Variants in CBLN2 observed in about 807,000 individuals in gnomAD.
CBLN2 encodes the protein cerebellin-2.
Under a neutral mutation model 15.0 loss-of-function variants are expected in CBLN2, and 7 were observed. The ratio of observed to expected loss-of-function variants is 0.47; its 90% CI spans 0.27 to 0.88. The LOEUF is 0.88. CBLN2 is among the 40% of genes least tolerant of loss of function. The pLI is 0.14. For synonymous variants in CBLN2, 149 were observed against 135.2 expected (o/e 1.10, Z -0.71); for missense variants, 242 against 304.5 (o/e 0.79, Z 1.53).
At chr18:72,637,178 A>G (rs1224499759) in intron 1 of CBLN2, among the ~76,000 whole-genome samples, 1 of 151,860 alleles carries the variant, frequency 6.6e-6, no homozygotes, top group Non-Finnish European at 1.5e-5. Flanking sequence ...ATTGTATTGT[A>G]TTTTCCGCAT....
rs562314422 is a variant in CBLN2, at chr18:72,544,206, A to G, written c.-441T>C. The stretch of plus-strand genomic sequence containing the variant: ...TGGGATGGCTGGGACGAAGAGAGGG[A>G]AAAAAAAAGCTTGAGAATTTGATGA... On this transcript the variant is annotated 5_prime_UTR_variant, in exon 1 of 5. Transcript: ENST00000269503. The G allele has an allele frequency of 2.3e-4, 35 of 149,964 alleles. No individual in the cohort carries two copies. The highest frequency in any genetic ancestry group is 1.0e-3 in the Admixed American group (15 of 15,066). 9.3% of individuals were successfully genotyped at this position (149,964 alleles called of 1,614,324 possible).
At chr18:72,559,190 T>A (rs1400457765) in intron 1 of CBLN2, among the ~76,000 whole-genome samples, 2 of 152,214 alleles carry the variant, frequency 1.3e-5, no homozygotes, top group African/African-American at 4.8e-5. Context: ...TTGCTCCGGG[T>A]CTCAGGCAGC....
At position 72,540,708 on chromosome 18, in the gene CBLN2, C is replaced by T. The variant is rs67024187; in HGVS notation, c.357+1096G>A. On this transcript the variant is annotated intron_variant, in intron 3 of 4. Coordinates refer to ENST00000269503, the MANE Select transcript of CBLN2 (RefSeq NM_182511.4). ...AAAAAAAACCTCAAATACTTAATGC[C>T]TAACAATAATTGAGAAATAAATACG... Among the ~76,000 whole-genome samples the T allele has an allele frequency of 0.053, 8,048 of 152,158 alleles. 914 individuals are homozygous for T. The East Asian group carries it at 0.54, about 10-fold the overall frequency.
At chr18:72,637,408 C>T (rs759744177) in intron 1 of CBLN2, among the ~76,000 whole-genome samples, 1 of 152,132 alleles carries the variant, frequency 6.6e-6, no homozygotes, top group African/African-American at 2.4e-5. Flanking sequence ...CAAATGCAAG[C>T]CTCTAAGACT....
intron 1 of CBLN2, among the ~76,000 whole-genome samples, chr18:72,579,774 A>G (rs1259774562): frequency 2.0e-5 from 3 of 152,062 alleles, no homozygotes; most frequent in African/African-American, 4.8e-5. Context: ...ATAAAACAAA[A>G]AACTAGTCAT....
chr18:72,631,616 C>T (rs17357210), intron 1 of CBLN2, among the ~76,000 whole-genome samples: 5 of 152,016 alleles, frequency 3.3e-5, no homozygotes, highest in Non-Finnish European at 5.9e-5. Flanking sequence ...AACAGTGTCA[C>T]ATCTCAACTG....
In CBLN2 at chr18:72,604,309, T is replaced by C. The variant is rs1249954814; in HGVS notation, c.15+34016A>G. Among the ~76,000 whole-genome samples the C allele has an allele frequency of 2.6e-5, 4 of 152,186 alleles. No homozygotes were observed. The South Asian group carries it at 8.3e-4, about 32-fold the overall frequency. The stretch of plus-strand genomic sequence containing the variant: ...TGTTTTGCTCAAAGGCCTTTCATAA[T>C]TTTTTTTGTTATTTCCTGCACAGTA... On this transcript the variant is annotated intron_variant, in intron 1 of 2. Transcript: ENST00000581073.
At position 72,566,456 on chromosome 18, in the gene CBLN2, T is replaced by C. The variant is rs186972648; in HGVS notation, c.16-27684A>G. Among the ~76,000 whole-genome samples the C allele has an allele frequency of 1.8e-3, 272 of 152,308 alleles. 2 individuals are homozygous for C. The highest frequency in any genetic ancestry group is 1.4e-3 in the South Asian group (7 of 4,828). On this transcript the variant is annotated intron_variant, in intron 1 of 2. Transcript: ENST00000581073. ...ATAAATAGATAAGGAAAATGTGGTA[T>C]ACATACACAAATTCAGCCATAAACA...
intron 1 of CBLN2, among the ~76,000 whole-genome samples, chr18:72,594,714 T>C (rs2069501934): frequency 6.6e-6 from 1 of 152,174 alleles, no homozygotes; most frequent in South Asian, 2.1e-4. Context: ...CATTACTTGT[T>C]GTTTGCCTAC....
intron 1 of CBLN2, among the ~76,000 whole-genome samples, chr18:72,590,961 G>A (rs2069476194): frequency 2.0e-5 from 3 of 152,156 alleles, no homozygotes. Context: ...TTGACCATTT[G>A]TTTCTCTGTC....
intron 1 of CBLN2, among the ~76,000 whole-genome samples, chr18:72,561,120 CTA>C (rs564722822): frequency 1.3e-5 from 2 of 149,634 alleles, no homozygotes; most frequent in Non-Finnish European, 1.5e-5. Flanking sequence ...GTGATAAAAG[CTA>C]TATATATATA....
At chr18:72,555,440 G>A (rs942746177) in intron 1 of CBLN2, among the ~76,000 whole-genome samples, 1 of 144,488 alleles carries the variant, frequency 6.9e-6, no homozygotes, top group Non-Finnish European at 1.5e-5. Flanking sequence ...GACTATGTGT[G>A]TGTGGGCGTG....
At position 72,625,830 on chromosome 18, in the gene CBLN2, A is replaced by C. The variant is rs1334751958; in HGVS notation, c.15+12495T>G. 1.6e-4 allele frequency among the ~76,000 whole-genome samples: 23 copies of C among 142,034 alleles called. No homozygotes were observed. The South Asian group carries it at 3.4e-3, about 21-fold the overall frequency. 93.2% of individuals were successfully genotyped at this position (142,034 alleles called of 152,430 possible). On this transcript the variant is annotated intron_variant, in intron 1 of 2. Transcript: ENST00000581073. Reference sequence around the variant, plus strand: ...TCTCTCTCTCTCTCTATATATATATATATATATATATATAGTACACACACA... The same window carrying C: ...TCTCTCTCTCTCTCTATATATATATCTATATATATATATAGTACACACACA...
chr18:72,566,030 A>G (rs2069292774), intron 1 of CBLN2, among the ~76,000 whole-genome samples: 1 of 152,214 alleles, frequency 6.6e-6, no homozygotes, highest in South Asian at 2.1e-4. Context: ...ATTTCTCCGA[A>G]GAAGACATAC....
chr18:72,546,847 C>A (rs2069161526), upstream of CBLN2, among the ~76,000 whole-genome samples: 1 of 152,168 alleles, frequency 6.6e-6, no homozygotes. Flanking sequence ...CCCTTCCTCT[C>A]ATTTTTTCTA....
At chr18:72,619,835 A>C (rs951559788) in intron 1 of CBLN2, among the ~76,000 whole-genome samples, 1 of 152,230 alleles carries the variant, frequency 6.6e-6, no homozygotes. Flanking sequence ...TTGACCCCTT[A>C]ATGGGATTTG....
At chr18:72,619,065 C>G in intron 1 of CBLN2, 1 of 751,064 alleles carries the variant, frequency 1.3e-6, no homozygotes, top group African/African-American at 1.7e-5. Context: ...GCAATTGCAA[C>G]AGTCTTCAAA....
At chr18:72,623,285 G>T (rs780901455) in intron 1 of CBLN2, among the ~76,000 whole-genome samples, 11 of 152,090 alleles carry the variant, frequency 7.2e-5, no homozygotes, top group Non-Finnish European at 1.6e-4. Context: ...ATATGACCTG[G>T]TAAACACTTA....
intron 1 of CBLN2, among the ~76,000 whole-genome samples, chr18:72,586,147 TG>T (rs2069441495): frequency 6.6e-6 from 1 of 152,196 alleles, no homozygotes; most frequent in South Asian, 2.1e-4. Flanking sequence ...GCTCCCCGCT[TG>T]CTCCCTGGAG....
Sources: allele counts gnomAD v4.1 joint callset (sites outside exome capture counted in the v4.1 genomes callset), GRCh38; gene constraint gnomAD v4.1.1; transcripts MANE v1.5; gene names NCBI Gene and HGNC (gene_info 2026-07-23, HGNC 2026-07-21).